The following PHF24 variants were observed in gnomAD, a reference collection of about 807,000 sequenced individuals.
PHF24 encodes PHD finger protein 24.
PHF24 carries 25 observed loss-of-function variants against 42.6 expected under a neutral mutation model. That is an observed-to-expected ratio of 0.59 (90% CI 0.43 to 0.82). The LOEUF is 0.82. Among genes scored for constraint, PHF24 ranks in the 40% least tolerant of loss-of-function variants. PHF24 has a pLI of 0.00. For missense variants in PHF24, 470 were observed against 538.1 expected, an observed-to-expected ratio of 0.87 and a Z score of 1.25; for synonymous variants, 185 against 204.8, an observed-to-expected ratio of 0.90 and a Z score of 0.83.
intron 3 of PHF24, among the ~76,000 whole-genome samples, chr9:34,974,769 T>G (rs866648211): frequency 6.6e-6 from 1 of 152,144 alleles, no homozygotes; most frequent in Admixed American, 6.6e-5. Flanking sequence ...CCTTGATATC[T>G]CACAAGTACT....
chr9:34,974,545 T>C (rs1056709557), intron 3 of PHF24, among the ~76,000 whole-genome samples: 4 of 152,192 alleles, frequency 2.6e-5, no homozygotes, highest in Non-Finnish European at 5.9e-5. Context: ...TCTTCTCTAC[T>C]GATGCTCTTC....
At chr9:34,688,826 G>A in the PHF24 span, among the ~76,000 whole-genome samples, 2 of 152,218 alleles carry the variant, frequency 1.3e-5, no homozygotes, top group Non-Finnish European at 2.9e-5. Flanking sequence ...TTTATTGAGG[G>A]ACTGCCTTGT....
At chr9:34,821,560 G>T in the PHF24 span, among the ~76,000 whole-genome samples, 1 of 152,156 alleles carries the variant, frequency 6.6e-6, no homozygotes, top group Non-Finnish European at 1.5e-5. Flanking sequence ...TTGCTGGTGG[G>T]TGGCAGTGGG....
the PHF24 span, among the ~76,000 whole-genome samples, chr9:34,853,080 C>G: frequency 6.6e-6 from 1 of 152,104 alleles, no homozygotes; most frequent in African/African-American, 2.4e-5. Context: ...CCCATTCAGC[C>G]TAATATTGGC....
At chr9:34,810,194 C>T in the PHF24 span, among the ~76,000 whole-genome samples, 1 of 152,108 alleles carries the variant, frequency 6.6e-6, no homozygotes, top group Non-Finnish European at 1.5e-5. Flanking sequence ...ACCGGGCCGT[C>T]ACCTGAGGGG....
chr9:34,701,565 C>A, the PHF24 span, among the ~76,000 whole-genome samples: 2 of 152,082 alleles, frequency 1.3e-5, no homozygotes, highest in African/African-American at 2.4e-5. This position sits in a 1 kb window ranked among gnomAD's most constrained non-coding sequence, Gnocchi z 5.8. Flanking sequence ...GGTGAGCGGG[C>A]GTCCGAAGTC....
the PHF24 span, among the ~76,000 whole-genome samples, chr9:34,831,567 A>C: frequency 6.6e-6 from 1 of 152,236 alleles, no homozygotes; most frequent in East Asian, 1.9e-4. Context: ...CTCCCAAAGC[A>C]CTTGGGCCTT....
At chr9:34,896,496 AG>A in the PHF24 span, among the ~76,000 whole-genome samples, 3 of 152,188 alleles carry the variant, frequency 2.0e-5, no homozygotes, top group African/African-American at 7.2e-5. Flanking sequence ...GCTCTGTACA[AG>A]GCTTGATTTT....
At chr9:34,706,727 G>A in the PHF24 span, among the ~76,000 whole-genome samples, 51 of 152,268 alleles carry the variant, frequency 3.3e-4, no homozygotes, top group Non-Finnish European at 5.1e-4. Flanking sequence ...TTCTGCCTAT[G>A]TTTTTCTTTT....
the PHF24 span, among the ~76,000 whole-genome samples, chr9:34,820,969 T>C: frequency 5.3e-5 from 8 of 152,348 alleles, no homozygotes; most frequent in Admixed American, 1.3e-4. Context: ...TTGATTTGCA[T>C]TTCTCTAATG....
chr9:34,931,964 C>T, the PHF24 span, among the ~76,000 whole-genome samples: 1 of 152,200 alleles, frequency 6.6e-6, no homozygotes, highest in Non-Finnish European at 1.5e-5. Context: ...GGGCTTCCAG[C>T]TCAACCCATA....
At chr9:34,896,010 C>T in the PHF24 span, among the ~76,000 whole-genome samples, 1 of 152,128 alleles carries the variant, frequency 6.6e-6, no homozygotes, top group African/African-American at 2.4e-5. Flanking sequence ...CAACATGTAC[C>T]TTTTCATGTT....
the PHF24 span, among the ~76,000 whole-genome samples, chr9:34,857,979 T>G: frequency 2.0e-5 from 3 of 151,382 alleles, no homozygotes; most frequent in East Asian, 5.8e-4. Flanking sequence ...CTGGTTTTTT[T>G]TTTTTTTTTT....
chr9:34,756,736 C>A, the PHF24 span, among the ~76,000 whole-genome samples: 1 of 151,934 alleles, frequency 6.6e-6, no homozygotes, highest in Middle Eastern at 3.4e-3. Context: ...GGTTTTTTTT[C>A]TATTTCTGTG....
At chr9:34,773,394 A>G in the PHF24 span, among the ~76,000 whole-genome samples, 2 of 152,192 alleles carry the variant, frequency 1.3e-5, no homozygotes, top group African/African-American at 4.8e-5. Flanking sequence ...ATGAGCTTGA[A>G]GCATCTTCTA....
the PHF24 span, among the ~76,000 whole-genome samples, chr9:34,823,202 C>CAA: frequency 6.8e-4 from 40 of 58,658 alleles, 1 homozygote; most frequent in East Asian, 1.6e-3. Flanking sequence ...GACTCCGTCT[C>CAA]AAAAAAAAAA....
chr9:34,847,179 A>G, the PHF24 span, among the ~76,000 whole-genome samples: 7 of 152,114 alleles, frequency 4.6e-5, no homozygotes, highest in East Asian at 1.2e-3. Context: ...GAATCTATGA[A>G]TTACCTTGGG....
chr9:34,959,908 T>G (rs1826530246), intron 1 of PHF24, among the ~76,000 whole-genome samples: 1 of 152,222 alleles, frequency 6.6e-6, no homozygotes, highest in Admixed American at 6.5e-5. Flanking sequence ...TGTGACCCTC[T>G]GACTACATGC....
chr9:34,944,995 C>T, the PHF24 span, among the ~76,000 whole-genome samples: 1 of 152,126 alleles, frequency 6.6e-6, no homozygotes, highest in Non-Finnish European at 1.5e-5. Context: ...TTCTCATTAT[C>T]CCTCTGCAAA....
Sources: gnomAD v4.1 joint callset for allele counts (sites outside exome capture counted in the v4.1 genomes callset) on GRCh38, gnomAD v4.1.1 for gene constraint, Gnocchi (gnomAD v3.1) non-coding constraint, MANE v1.5 for transcripts, NCBI Gene and HGNC (gene_info 2026-07-23, HGNC 2026-07-21) for gene names.